Variants in CALN1 observed in about 807,000 individuals in gnomAD.
The protein encoded by CALN1 is calneuron 1, also known as calcium-binding protein 8.
A neutral mutation model predicts 30.6 loss-of-function variants in CALN1; 17 were observed. That is an observed-to-expected ratio of 0.56 (90% CI 0.38 to 0.83). CALN1 has a LOEUF of 0.83. Ranked by LOEUF, CALN1 falls within the 40% of genes least tolerant of loss-of-function variation. The pLI is 0.00. For missense variants in CALN1, 291 were observed against 354.9 expected, an observed-to-expected ratio of 0.82 and a Z score of 1.45; for synonymous variants, 156 against 131.4, an observed-to-expected ratio of 1.19 and a Z score of -1.28.
chr7:71,859,611 C>T (rs945427316), intron 5 of CALN1, among the ~76,000 whole-genome samples: 2 of 152,184 alleles, frequency 1.3e-5, no homozygotes, highest in Admixed American at 6.5e-5. Flanking sequence ...GTCTCCTCTG[C>T]TCATTCCAAA....
At chr7:72,169,258 A>G (rs1788763860) in intron 3 of CALN1, among the ~76,000 whole-genome samples, 1 of 152,088 alleles carries the variant, frequency 6.6e-6, no homozygotes. Context: ...AAAATTTTTC[A>G]TGCACTCTCC....
chr7:72,126,671 A>C lies in CALN1; in HGVS notation c.245-20377T>G, dbSNP rs1004080570. 4.6e-5 allele frequency among the ~76,000 whole-genome samples: 7 copies of C among 152,060 alleles called. No homozygotes were observed. The East Asian group carries it at 1.4e-3, about 30-fold the overall frequency. On this transcript the variant is annotated intron_variant, in intron 3 of 6. Transcript: ENST00000395275. ...ATCATGTTTATGCCTTTGCATCCTC[A>C]TAGCTTAGCTCACACTTAGAAGTGA...
At chr7:72,354,245 C>T (rs77085135) in intron 2 of CALN1, among the ~76,000 whole-genome samples, 3,865 of 152,150 alleles carry the variant, frequency 0.025, 158 homozygotes, top group African/African-American at 0.086. Context: ...ATAAGCTTAA[C>T]AAAATAAGTG....
In CALN1 at chr7:71,843,078, C is replaced by T. The variant is rs541446995; in HGVS notation, c.502-32586G>A. Among the ~76,000 whole-genome samples the T allele has an allele frequency of 1.1e-4, 16 of 152,214 alleles. No individual in the cohort carries two copies. In the Middle Eastern group the frequency reaches 0.01, roughly 97 times the overall value. ...AAGAGATGTGAGGATGGGTATTGGACGGCCTCCAAATAAGAAATGTAGGTG... is the reference window on the plus strand; with the variant it reads ...AAGAGATGTGAGGATGGGTATTGGATGGCCTCCAAATAAGAAATGTAGGTG... On this transcript the variant is annotated intron_variant, in intron 5 of 6. Transcript: ENST00000395275.
chr7:72,316,297 A>G (rs1385016259), intron 2 of CALN1, among the ~76,000 whole-genome samples: 1 of 151,946 alleles, frequency 6.6e-6, no homozygotes, highest in African/African-American at 2.4e-5. Flanking sequence ...GTGGGAGAAT[A>G]TGTAATATTA....
Position 72,181,625 on chromosome 7 carries a change from G to A in CALN1, c.245-75331C>T, listed in dbSNP as rs147248004. 7.1e-3 allele frequency among the ~76,000 whole-genome samples: 1,075 copies of A among 152,130 alleles called. 15 individuals are homozygous for A. Among genetic ancestry groups the A allele is most frequent in the African/African-American group, 0.025 (1,021 of 41,500 alleles). ...CCTGAGTAGCTGGGATTACAGGTGTGAGCCACCATGCTGGCTAATTTTTGT... is the reference window on the plus strand; with the variant it reads ...CCTGAGTAGCTGGGATTACAGGTGTAAGCCACCATGCTGGCTAATTTTTGT... On this transcript the variant is annotated intron_variant, in intron 3 of 6. Transcript: ENST00000395275.
At chr7:72,238,688 CCT>C (rs1191047730) in intron 3 of CALN1, among the ~76,000 whole-genome samples, 6 of 152,192 alleles carry the variant, frequency 3.9e-5, no homozygotes, top group African/African-American at 1.4e-4. Flanking sequence ...GGGCTTTTCC[CCT>C]CTTTGCTCTG....
At chr7:72,336,684 G>T (rs918718483) in intron 2 of CALN1, 1 of 985,560 alleles carries the variant, frequency 1.0e-6, no homozygotes, top group Non-Finnish European at 1.2e-6. Context: ...GTAAGCTAGG[G>T]AGCCGGCGGC....
intron 3 of CALN1, among the ~76,000 whole-genome samples, chr7:72,116,234 T>C (rs887265104): frequency 6.6e-6 from 1 of 152,152 alleles, no homozygotes; most frequent in East Asian, 1.9e-4. Flanking sequence ...CCGAGCCCAG[T>C]CCTGAAGGCA....
At chr7:72,090,944 A>T (rs998097636) in intron 4 of CALN1, among the ~76,000 whole-genome samples, 1 of 152,270 alleles carries the variant, frequency 6.6e-6, no homozygotes, top group South Asian at 2.1e-4. Flanking sequence ...GGTGTGGGGT[A>T]AGAAGAGATG....
chr7:71,955,500 A>G (rs1253932184), intron 5 of CALN1, among the ~76,000 whole-genome samples: 1 of 152,082 alleles, frequency 6.6e-6, no homozygotes, highest in Non-Finnish European at 1.5e-5. Flanking sequence ...GAACTGCAAG[A>G]ATCAGTGAAT....
intron 3 of CALN1, among the ~76,000 whole-genome samples, chr7:72,157,182 T>C (rs191438460): frequency 1.4e-4 from 21 of 152,320 alleles, no homozygotes; most frequent in African/African-American, 4.8e-4. Flanking sequence ...CATTCATTCA[T>C]TCACTTACCC....
intron 4 of CALN1, among the ~76,000 whole-genome samples, chr7:72,046,709 TAAAAAAAAAAAAAAAAA>T (rs59664699): frequency 3.9e-5 from 2 of 51,844 alleles, no homozygotes; most frequent in African/African-American, 6.7e-5. Context: ...GACTCCCTCT[TAAAAAAAAAAAAAAAAA>T]AAAAAAAAAA....
At chr7:71,802,163 T>C (rs1378084368) in intron 6 of CALN1, among the ~76,000 whole-genome samples, 1 of 152,078 alleles carries the variant, frequency 6.6e-6, no homozygotes, top group African/African-American at 2.4e-5. Flanking sequence ...TCAACCTTAA[T>C]AGATAGTATA....
chr7:72,099,262 C>T (rs1047047221), intron 4 of CALN1, among the ~76,000 whole-genome samples: 1 of 133,434 alleles, frequency 7.5e-6, no homozygotes, highest in African/African-American at 2.8e-5. Context: ...TAAGCTTTGC[C>T]CCAAACACTC....
intron 5 of CALN1, among the ~76,000 whole-genome samples, chr7:71,913,374 C>A (rs1253228331): frequency 1.3e-5 from 2 of 152,080 alleles, no homozygotes; most frequent in Non-Finnish European, 1.5e-5. Flanking sequence ...GTGGCAAATT[C>A]TTCAAAAGAT....
intron 2 of CALN1, among the ~76,000 whole-genome samples, chr7:72,298,488 T>G (rs1312364291): frequency 6.6e-6 from 1 of 152,186 alleles, no homozygotes; most frequent in Non-Finnish European, 1.5e-5. Context: ...GGGCTCCTTT[T>G]GGGAGCAAAG....
At chr7:72,345,769 G>A (rs1053142801) in intron 2 of CALN1, among the ~76,000 whole-genome samples, 4 of 152,080 alleles carry the variant, frequency 2.6e-5, no homozygotes, top group South Asian at 2.1e-4. Flanking sequence ...AATCAAGTTC[G>A]GCCTTAAATT....
At chr7:72,385,273 T>C (rs1805145476) in intron 2 of CALN1, among the ~76,000 whole-genome samples, 1 of 152,196 alleles carries the variant, frequency 6.6e-6, no homozygotes, top group South Asian at 2.1e-4. Context: ...TCTTATCACA[T>C]GATTCAGCAA....
Sources: gnomAD v4.1 joint callset for allele counts (sites outside exome capture counted in the v4.1 genomes callset) on GRCh38, gnomAD v4.1.1 for gene constraint, MANE v1.5 for transcripts, NCBI Gene and HGNC (gene_info 2026-07-23, HGNC 2026-07-21) for gene names.